TPTE: variants seen among roughly 807,000 people sequenced by gnomAD.
The protein encoded by TPTE is putative tyrosine-protein phosphatase TPTE.
Under a neutral mutation model 84.1 loss-of-function variants are expected in TPTE, and 59 were observed. That is an observed-to-expected ratio of 0.70 (90% CI 0.57 to 0.87). TPTE has a LOEUF of 0.87. Ranked by LOEUF, TPTE falls within the 40% of genes least tolerant of loss-of-function variation. The probability of loss-of-function intolerance (pLI) is 0.00; values close to 1 mark genes in which losing one functional copy is unlikely to be tolerated. For synonymous variants in TPTE, 130 were observed against 223.5 expected (o/e 0.58, Z 3.73); for missense variants, 382 against 659.6 (o/e 0.58, Z 4.61).
At chr21:10,543,914 C>T (rs1391613316) in intron 7 of TPTE, among the ~76,000 whole-genome samples, 1 of 152,426 alleles carries the variant, frequency 6.6e-6, no homozygotes, top group Admixed American at 6.5e-5. Context: ...TTGTCCCACA[C>T]ACTCGAGAGC....
At chr21:10,537,752 C>A (rs1363540904) in intron 3 of TPTE, among the ~76,000 whole-genome samples, 2 of 152,134 alleles carry the variant, frequency 1.3e-5, no homozygotes, top group Non-Finnish European at 2.9e-5. Context: ...AGGGAGGAAA[C>A]GATTATATAC....
intron 3 of TPTE, among the ~76,000 whole-genome samples, chr21:10,536,163 A>G (rs1317663178): frequency 6.6e-6 from 1 of 152,424 alleles, no homozygotes; most frequent in East Asian, 1.9e-4. Context: ...CTGTAATCCC[A>G]TCTACTCAGG....
intron 3 of TPTE, among the ~76,000 whole-genome samples, chr21:10,530,919 G>A (rs1241652133): frequency 6.6e-6 from 1 of 152,308 alleles, no homozygotes; most frequent in African/African-American, 2.4e-5. Context: ...ATGAATTTGA[G>A]CATCATTTTA....
chr21:10,598,058 G>T lies in TPTE; in HGVS notation c.1320G>T (p.Lys440Asn). 4 of 1,613,802 alleles carry T rather than the reference G, an allele frequency of 2.5e-6. No individual in the cohort carries two copies. Among genetic ancestry groups the T allele is most frequent in the Non-Finnish European group, 3.4e-6 (4 of 1,179,712 alleles). Reference protein sequence around the residue: ...DLKIQIEMEKKVVFSTISLGK... With the variant: ...DLKIQIEMEKNVVFSTISLGK... ...AAATCCAAATAGAAATGGAGAAAAA[G>T]GTTGTCTTTTCCACTATTTCATTAG... The change falls in exon 21 of 24, where the codon AAG (lysine) becomes AAT (asparagine). Residue 440 changes from lysine to asparagine, a missense_variant. By Grantham distance (94) the Lys-to-Asn change is moderately conservative. Transcript: ENST00000618007.
chr21:10,566,649 A>T (rs1600913815), intron 10 of TPTE, among the ~76,000 whole-genome samples: 1 of 152,310 alleles, frequency 6.6e-6, no homozygotes, highest in African/African-American at 2.4e-5. Flanking sequence ...TATAGTACAT[A>T]TACACAAGAG....
chr21:10,581,855 C>A (rs1473659592), intron 17 of TPTE, among the ~76,000 whole-genome samples: 13 of 152,372 alleles, frequency 8.5e-5, no homozygotes, highest in Admixed American at 2.0e-4. Context: ...CATCTCAGCC[C>A]CTCTGAGTAA....
chr21:10,597,707 G>C (rs1276225753), intron 20 of TPTE, among the ~76,000 whole-genome samples: 2 of 152,312 alleles, frequency 1.3e-5, no homozygotes, highest in African/African-American at 2.4e-5. Context: ...GAGCCACCAT[G>C]CCTGGCCTAG....
chr21:10,560,047 CTAATT>C (rs2074765214), intron 9 of TPTE, among the ~76,000 whole-genome samples: 2 of 152,412 alleles, frequency 1.3e-5, no homozygotes, highest in South Asian at 4.1e-4. Flanking sequence ...CTAATGTAAT[CTAATT>C]TATCATGGAA....
intron 20 of TPTE, among the ~76,000 whole-genome samples, chr21:10,596,780 C>A (rs1367254370): frequency 6.6e-6 from 1 of 152,308 alleles, no homozygotes; most frequent in Non-Finnish European, 1.5e-5. Flanking sequence ...TGCCATGGGG[C>A]CAGGATGCTG....
At chr21:10,597,168 GA>G (rs1426774204) in intron 20 of TPTE, among the ~76,000 whole-genome samples, 2 of 152,422 alleles carry the variant, frequency 1.3e-5, no homozygotes, top group African/African-American at 4.8e-5. Context: ...TTTCAATTTG[GA>G]AAAAAAGGAA....
chr21:10,551,324 A>G (rs2074569671), intron 7 of TPTE, among the ~76,000 whole-genome samples: 1 of 152,308 alleles, frequency 6.6e-6, no homozygotes, highest in East Asian at 1.9e-4. Flanking sequence ...ATTAGGAGAT[A>G]TACCTAATGT....
At chr21:10,569,219 T>C (rs1346904553) in intron 11 of TPTE, among the ~76,000 whole-genome samples, 1 of 152,308 alleles carries the variant, frequency 6.6e-6, no homozygotes, top group South Asian at 2.1e-4. Flanking sequence ...CTGGCCTCTA[T>C]TCACTAGATG....
chr21:10,593,931 A>T (rs1239600697), intron 19 of TPTE, among the ~76,000 whole-genome samples: 1 of 152,312 alleles, frequency 6.6e-6, no homozygotes, highest in African/African-American at 2.4e-5. Flanking sequence ...ATCCACTGCT[A>T]CTTTTCTCCC....
At chr21:10,577,271 G>A (rs1445409174) in intron 14 of TPTE, among the ~76,000 whole-genome samples, 189 bp from the exon 15 acceptor site, 2 of 152,272 alleles carry the variant, frequency 1.3e-5, no homozygotes, top group Admixed American at 6.5e-5. Context: ...AAACATACTT[G>A]TGGACTATTT....
intron 22 of TPTE, among the ~76,000 whole-genome samples, 153 bp downstream of exon 22, chr21:10,602,303 T>C (rs936916254): frequency 6.6e-6 from 1 of 152,312 alleles, no homozygotes; most frequent in African/African-American, 2.4e-5. Flanking sequence ...AGAGCGTATG[T>C]AATTTAAATA....
intron 14 of TPTE, among the ~76,000 whole-genome samples, chr21:10,573,842 G>A (rs1405779943): frequency 6.6e-6 from 1 of 152,426 alleles, no homozygotes; most frequent in East Asian, 1.9e-4. Context: ...TCACATGATG[G>A]CAGAGGCAAG....
At chr21:10,533,339 C>A (rs1251239560) in intron 3 of TPTE, among the ~76,000 whole-genome samples, 1 of 152,308 alleles carries the variant, frequency 6.6e-6, no homozygotes, top group African/African-American at 2.4e-5. Context: ...TCAACATCTT[C>A]CTTTGTGTCC....
In TPTE at chr21:10,522,494, C is replaced by T. The variant is rs551336936; in HGVS notation, c.-211+800C>T. On this transcript the variant is annotated intron_variant, in intron 1 of 23. Transcript: ENST00000618007. ...CGGCGTAGGGTCCCCAGCGATGCCCCGGGAAGGGCTGGGACAAGTTGGAAA... is the reference window on the plus strand; with the variant it reads ...CGGCGTAGGGTCCCCAGCGATGCCCTGGGAAGGGCTGGGACAAGTTGGAAA... Among the ~76,000 whole-genome samples the T allele has an allele frequency of 1.1e-4, 17 of 152,412 alleles. No homozygotes were observed. In the East Asian group the frequency reaches 1.9e-3, roughly 17 times the overall value.
intron 21 of TPTE, among the ~76,000 whole-genome samples, chr21:10,598,875 G>A (rs552624177): frequency 2.3e-4 from 35 of 152,340 alleles, no homozygotes; most frequent in African/African-American, 6.7e-4. Context: ...CTCTGCGCCC[G>A]GCTTTTTTGG....
Sources: allele counts gnomAD v4.1 joint callset (sites outside exome capture counted in the v4.1 genomes callset), GRCh38; gene constraint gnomAD v4.1.1; transcripts MANE v1.5; gene names NCBI Gene and HGNC (gene_info 2026-07-23, HGNC 2026-07-21).